Variants in ERFL observed in about 807,000 individuals in gnomAD.
ERFL encodes the protein ETS domain-containing transcription factor ERF-like.
In ERFL, 8 loss-of-function variants were observed where a neutral mutation model predicts 27.9. The observed-to-expected ratio is 0.29, with a 90% confidence interval of 0.17 to 0.52. ERFL has a LOEUF of 0.52. Among genes scored for constraint, ERFL ranks in the 20% least tolerant of loss-of-function variants. The probability of loss-of-function intolerance (pLI) is 0.97; values close to 1 mark genes in which losing one functional copy is unlikely to be tolerated. For synonymous variants in ERFL, 174 were observed against 202.8 expected (o/e 0.86, Z 1.21); for missense variants, 294 against 444.4 (o/e 0.66, Z 3.04).
intron 2 of ERFL, among the ~76,000 whole-genome samples, chr19:41,912,484 T>G (rs2145884963): frequency 6.6e-6 from 1 of 152,338 alleles, no homozygotes; most frequent in African/African-American, 2.4e-5. Flanking sequence ...CATCCGTGCC[T>G]GGCCTAGTGC....
Position 41,916,106 on chromosome 19 carries a change from C to G in ERFL, c.-13-3174G>C, listed in dbSNP as rs1226578197. 6.6e-6 allele frequency among the ~76,000 whole-genome samples: 1 copy of G among 151,968 alleles called. No homozygotes were observed. The highest frequency in any genetic ancestry group is 6.5e-5 in the Admixed American group (1 of 15,268). ...CGAAGCGGTGTGCAGAGGCGCTGGG[C>G]AGGCGAGGGCCCTCCTCCCTTCTCT... is the stretch of plus-strand genomic sequence containing the variant. On this transcript the variant is annotated intron_variant, in intron 1 of 5. Transcript: ENST00000597630. The surrounding 1 kb of genome is among the most constrained non-coding windows in gnomAD (Gnocchi z 5.4).
rs955746824 is a variant in ERFL at position 41,909,093 on chromosome 19, G to A, written c.583C>T (p.Arg195Cys). ...AGGAATGGGAAAGGGCTGTCCAGACGCAATTTATCTGTCTCGGAGGTGAAC... is the reference window on the plus strand; with the variant it reads ...AGGAATGGGAAAGGGCTGTCCAGACACAATTTATCTGTCTCGGAGGTGAAC... ...PLFTSETDKLRLDSPFPFLGS... is the reference protein window; with the variant it reads ...PLFTSETDKLCLDSPFPFLGS... The change falls in exon 5 of 6, where the codon CGT becomes TGT. Residue 195 changes from arginine to cysteine, a missense_variant. Arg to Cys is a radical substitution (Grantham distance 180). This residue lies in a region of ERFL where 246 missense variants were observed against 371.4 expected (regional missense o/e 0.66). Coordinates refer to ENST00000597630, the MANE Select transcript of ERFL (RefSeq NM_001365103.2). This position sits in a 1 kb window ranked among gnomAD's most constrained non-coding sequence, Gnocchi z 5.2. 3.8e-5 allele frequency: 47 copies of A among 1,231,638 alleles called. No homozygotes were observed. In the South Asian group the frequency reaches 4.1e-4, roughly 11 times the overall value. The allele number at this position is 1,231,638 out of a possible 1,614,324, so 76.3% of individuals were successfully genotyped here. A position where few individuals can be genotyped will look rare whatever the true frequency, so the allele number is the denominator to read the frequency against.
chr19:41,925,723 A>G (rs1373744767), intron 1 of ERFL, among the ~76,000 whole-genome samples: 1 of 152,116 alleles, frequency 6.6e-6, no homozygotes, highest in Admixed American at 6.5e-5. Context: ...GTACGGGGGA[A>G]TCCTTGGAAG....
At chr19:41,924,084 T>G (rs1270660009) in intron 1 of ERFL, among the ~76,000 whole-genome samples, 2 of 149,608 alleles carry the variant, frequency 1.3e-5, no homozygotes, top group African/African-American at 5.0e-5. Context: ...GGTGAGCATG[T>G]GGAATGACAG....
At position 41,908,600 on chromosome 19, in the gene ERFL, A is replaced by G. The variant is rs941401888; in HGVS notation, c.693T>C (p.Phe231=). The change falls in exon 6 of 6, where the codon TTT becomes TTC. Residue 231 remains phenylalanine (F), a synonymous_variant. Coordinates refer to ENST00000597630, the MANE Select transcript of ERFL (RefSeq NM_001365103.2). The surrounding 1 kb of genome is among the most constrained non-coding windows in gnomAD (Gnocchi z 6.7). The part of the protein sequence containing the change: ...GRAFPEYPWN[F]NPYLTGPFPK... ...GGAAGGGGCCCGTGAGGTACGGGTT[A>G]AAGTTCCAGGGGTACTCAGGGAAGG... 1 of 1,231,676 alleles carries G rather than the reference A, an allele frequency of 8.1e-7. No homozygotes were observed. The highest frequency in any genetic ancestry group is 1.0e-6 in the Non-Finnish European group (1 of 988,120). The allele number at this position is 1,231,676 out of a possible 1,614,324, so 76.3% of individuals were successfully genotyped here.
intron 1 of ERFL, among the ~76,000 whole-genome samples, chr19:41,915,688 C>T (rs2145894769): frequency 6.6e-6 from 1 of 152,122 alleles, no homozygotes; most frequent in East Asian, 1.9e-4. Flanking sequence ...TCCATGTCTC[C>T]ATCTCCATGT....
chr19:41,914,582 C>G (rs1268144556), intron 1 of ERFL, among the ~76,000 whole-genome samples: 1 of 95,194 alleles, frequency 1.1e-5, no homozygotes, highest in African/African-American at 5.0e-5. Flanking sequence ...TCCGTCTCTC[C>G]CTCCCTTTCC....
At chr19:41,913,971 C>A (rs1290225230) in intron 1 of ERFL, among the ~76,000 whole-genome samples, 1 of 151,156 alleles carries the variant, frequency 6.6e-6, no homozygotes, top group Non-Finnish European at 1.5e-5. Context: ...TCTCAAAAAC[C>A]CACTCCTCTT....
Position 41,909,569 on chromosome 19 carries a change from G to A in ERFL, c.303-98C>T, listed in dbSNP as rs1219288576. On this transcript the variant is annotated intron_variant, in intron 3 of 5. Coordinates refer to ENST00000597630, the MANE Select transcript of ERFL (RefSeq NM_001365103.2). The surrounding 1 kb of genome is among the most constrained non-coding windows in gnomAD (Gnocchi z 5.2). ...TGTGCTGTCCCAGGCATGGTGCACA[G>A]AGCACTAGAACTTGGGGAAACTGAG... The A allele has an allele frequency of 1.1e-5, 11 of 993,092 alleles. No homozygotes were observed. Among genetic ancestry groups the A allele is most frequent in the Non-Finnish European group, 1.5e-5 (11 of 734,322 alleles). The allele number at this position is 993,092 out of a possible 1,614,324, so 61.5% of individuals were successfully genotyped here. A position where few individuals can be genotyped will look rare whatever the true frequency, so the allele number is the denominator to read the frequency against.
At chr19:41,922,211 C>A (rs1394864983) in intron 1 of ERFL, among the ~76,000 whole-genome samples, 1 of 152,088 alleles carries the variant, frequency 6.6e-6, no homozygotes, top group African/African-American at 2.4e-5. Context: ...GGCATCCCGA[C>A]AGAGCCCGGG....
At chr19:41,923,503 C>A (rs924123781) in intron 1 of ERFL, among the ~76,000 whole-genome samples, 1 of 148,766 alleles carries the variant, frequency 6.7e-6, no homozygotes, top group African/African-American at 2.5e-5. Context: ...AGTCGAGAGG[C>A]CAGAAACCAA....
Position 41,908,051 on chromosome 19 carries a change from T to C in ERFL, c.*177A>G. The C allele has an allele frequency of 2.2e-6, 1 of 450,818 alleles. No individual in the cohort carries two copies. Among genetic ancestry groups the C allele is most frequent in the Non-Finnish European group, 3.6e-6 (1 of 274,980 alleles). 27.9% of individuals were successfully genotyped at this position (450,818 alleles called of 1,614,324 possible). A position where few individuals can be genotyped will look rare whatever the true frequency, so the allele number is the denominator to read the frequency against. ...AGGCCATCACATTCCCTCTGTCCTCTGTGGAGGGGGAAGTGAGACCCCCCC... is the reference window on the plus strand; with the variant it reads ...AGGCCATCACATTCCCTCTGTCCTCCGTGGAGGGGGAAGTGAGACCCCCCC... On this transcript the variant is annotated 3_prime_UTR_variant, in exon 6 of 6. Transcript: ENST00000597630. The surrounding 1 kb of genome is among the most constrained non-coding windows in gnomAD (Gnocchi z 6.7).
chr19:41,909,863 C>T lies in ERFL; in HGVS notation c.302G>A (p.Arg101His), dbSNP rs1181193506. The T allele has an allele frequency of 3.7e-6, 6 of 1,607,510 alleles. No homozygotes were observed. Among genetic ancestry groups the T allele is most frequent in the African/African-American group, 2.7e-5 (2 of 74,756 alleles). The stretch of plus-strand genomic sequence containing the variant: ...GATCCAGCCCCAAGCCCTTCCTCAC[C>T]GCAGGGCCCGGCTCAGCTTGTCGTA... ...MNYDKLSRAL[R>H]YYYNKRILHK... The change falls in exon 3 of 6, where the codon CGT becomes CAT. Residue 101 changes from arginine (R) to histidine (H), a missense_variant and splice_region_variant. Arg to His is a conservative substitution (Grantham distance 29, BLOSUM62 0). Transcript: ENST00000597630. This position sits in a 1 kb window ranked among gnomAD's most constrained non-coding sequence, Gnocchi z 5.2.
chr19:41,914,615 C>T lies in ERFL; in HGVS notation c.-13-1683G>A, dbSNP rs1224465594. On this transcript the variant is annotated intron_variant, in intron 1 of 5. Coordinates refer to ENST00000597630, the MANE Select transcript of ERFL (RefSeq NM_001365103.2). Reference sequence around the variant, plus strand: ...TCCACCATCTCTGTCTCTCCCTCCCCTTCCACCATCTCTGTCTCTGTCTCT... The same window carrying T: ...TCCACCATCTCTGTCTCTCCCTCCCTTTCCACCATCTCTGTCTCTGTCTCT... Among the ~76,000 whole-genome samples, 338 of 42,278 alleles carry T rather than the reference C, an allele frequency of 8.0e-3. 42 individuals are homozygous for T. Among genetic ancestry groups the T allele is most frequent in the Non-Finnish European group, 0.011 (228 of 20,076 alleles). 27.7% of individuals were successfully genotyped at this position (42,278 alleles called of 152,430 possible).
At chr19:41,913,101 G>T (rs2074763678) in intron 1 of ERFL, among the ~76,000 whole-genome samples, 169 bp from the exon 2 acceptor site, 1 of 151,436 alleles carries the variant, frequency 6.6e-6, no homozygotes, top group South Asian at 2.1e-4. Flanking sequence ...GCACCGCTCT[G>T]TCCCCAGCCG....
chr19:41,920,038 TACGC>T (rs2074829853), intron 1 of ERFL, among the ~76,000 whole-genome samples: 1 of 92,244 alleles, frequency 1.1e-5, no homozygotes, highest in African/African-American at 4.4e-5. Flanking sequence ...ACAGACATGA[TACGC>T]TCACAGACAT....
Position 41,908,584 on chromosome 19 carries a change from C to T in ERFL, c.709G>A (p.Gly237Ser). 8.1e-7 allele frequency: 1 copy of T among 1,231,682 alleles called. No homozygotes were observed. Among genetic ancestry groups the T allele is most frequent in the South Asian group, 4.1e-5 (1 of 24,320 alleles). The allele number at this position is 1,231,682 out of a possible 1,614,324, so 76.3% of individuals were successfully genotyped here. ...YPWNFNPYLT[G>S]PFPKLPPSLY... ...GAGGGAGGCAGCTTGGGGAAGGGGC[C>T]CGTGAGGTACGGGTTAAAGTTCCAG... Residue 237 changes from glycine (G) to serine (S), a missense_variant, in exon 6 of 6, where the codon GGC becomes AGC. Physicochemically the swap from Gly to Ser is moderately conservative, Grantham distance 56. Transcript: ENST00000597630. This position sits in a 1 kb window ranked among gnomAD's most constrained non-coding sequence, Gnocchi z 6.7.
In ERFL at chr19:41,923,097, C is replaced by T. The variant is rs530059967; in HGVS notation, c.-14+4943G>A. The T allele has an allele frequency of 1.1e-3, 518 of 455,624 alleles. 9 individuals carry two copies. Among genetic ancestry groups the T allele is most frequent in the South Asian group, 7.9e-3 (509 of 64,460 alleles). The allele number at this position is 455,624 out of a possible 1,614,324, so 28.2% of individuals were successfully genotyped here. A position where few individuals can be genotyped will look rare whatever the true frequency, so the allele number is the denominator to read the frequency against. On this transcript the variant is annotated intron_variant, in intron 1 of 5. Transcript: ENST00000597630. ...AGGCCTTTTGCTTCCCTCAGCACCC[C>T]ATCCTCACCACCACCTGTGAGGTAG...
chr19:41,926,965 A>G (rs2074875255), intron 1 of ERFL, among the ~76,000 whole-genome samples: 1 of 152,036 alleles, frequency 6.6e-6, no homozygotes, highest in South Asian at 2.1e-4. Flanking sequence ...AGAGATAGAA[A>G]GAGATGCCGA....
Sources: allele counts gnomAD v4.1 joint callset (sites outside exome capture counted in the v4.1 genomes callset), GRCh38; gene constraint gnomAD v4.1.1; regional missense constraint gnomAD v4.1.1; non-coding constraint Gnocchi (gnomAD v3.1); transcripts MANE v1.5; gene names NCBI Gene and HGNC (gene_info 2026-07-23, HGNC 2026-07-21).